Variants in SNTB2 observed in about 807,000 individuals in gnomAD.
The protein encoded by SNTB2 is syntrophin beta 2.
SNTB2 carries 34 observed loss-of-function variants against 46.2 expected under a neutral mutation model. The observed-to-expected ratio is 0.74, with a 90% CI of 0.56 to 0.98. The LOEUF (loss-of-function observed/expected upper bound fraction) is 0.98. SNTB2 is among the 50% of genes least tolerant of loss of function. The pLI, the probability that SNTB2 is intolerant of heterozygous loss-of-function variation, is 0.00. For synonymous variants in SNTB2, 290 were observed against 312.6 expected (o/e 0.93, Z 0.76); for missense variants, 603 against 731.4 (o/e 0.82, Z 2.02).
At chr16:69,253,467 G>T (rs1393376322) in intron 2 of SNTB2, among the ~76,000 whole-genome samples, 3 of 151,568 alleles carry the variant, frequency 2.0e-5, no homozygotes, top group African/African-American at 7.3e-5. Context: ...GGTTAACATG[G>T]TGAAACCCCA....
intron 1 of SNTB2, among the ~76,000 whole-genome samples, chr16:69,216,412 G>T (rs1964347518): frequency 1.3e-5 from 2 of 152,038 alleles, no homozygotes; most frequent in Non-Finnish European, 2.9e-5. Flanking sequence ...GCTGGGCATG[G>T]TGGCTCACGC....
At position 69,300,805 on chromosome 16, in the gene SNTB2, G is replaced by A. The variant is rs756121140; in HGVS notation, c.1531-27G>A. 6.2e-6 allele frequency: 9 copies of A among 1,457,272 alleles called. No individual in the cohort carries two copies. The African/African-American group carries it at 1.1e-4, about 18-fold the overall frequency. 90.3% of individuals were successfully genotyped at this position (1,457,272 alleles called of 1,614,324 possible). A position where few individuals can be genotyped will look rare whatever the true frequency, so the allele number is the denominator to read the frequency against. ...GTTGTCTGTATATGGTAGTGAGGTA[G>A]TGATGCTTAGTGTCCTTTCTCCACA... On this transcript the variant is annotated intron_variant, in intron 6 of 6. Transcript: ENST00000336278.
chr16:69,218,847 G>T (rs1964373656), intron 1 of SNTB2, among the ~76,000 whole-genome samples: 1 of 152,204 alleles, frequency 6.6e-6, no homozygotes, highest in East Asian at 1.9e-4. Flanking sequence ...TTTATCTCAT[G>T]ATTGCAACTC....
chr16:69,211,570 A>G (rs1400182544), intron 1 of SNTB2, among the ~76,000 whole-genome samples: 2 of 151,840 alleles, frequency 1.3e-5, no homozygotes, highest in Non-Finnish European at 2.9e-5. Flanking sequence ...GAAAAGAAAA[A>G]CAGGCGGAAG....
intron 1 of SNTB2, among the ~76,000 whole-genome samples, chr16:69,193,965 T>G (rs1246370656): frequency 1.3e-5 from 2 of 152,258 alleles, no homozygotes; most frequent in African/African-American, 4.8e-5. Context: ...TACATTTAAC[T>G]TCTTAATCTA....
rs1965122632 is a variant in SNTB2, at chr16:69,288,051, C to T, written c.1345+3807C>T. Among the ~76,000 whole-genome samples the T allele has an allele frequency of 2.6e-5, 4 of 151,696 alleles. No individual in the cohort carries two copies. In the South Asian group the frequency reaches 8.4e-4, roughly 32 times the overall value. On this transcript the variant is annotated intron_variant, in intron 5 of 6. Coordinates refer to ENST00000336278, the MANE Select transcript of SNTB2 (RefSeq NM_006750.4). The stretch of plus-strand genomic sequence containing the variant: ...AGTAAATGAGGTTTAAAAAAAAATA[C>T]AGTATTGGAGGTGAGGCACGGTGGC...
chr16:69,279,388 G>T (rs1292622292), intron 4 of SNTB2, among the ~76,000 whole-genome samples: 1 of 151,908 alleles, frequency 6.6e-6, no homozygotes, highest in Non-Finnish European at 1.5e-5. Flanking sequence ...TTTTGTCAGT[G>T]GACATTTAAG....
chr16:69,251,671 G>A (rs35250831), intron 2 of SNTB2, among the ~76,000 whole-genome samples: 21,212 of 151,664 alleles, frequency 0.14, 1,611 homozygotes, highest in Middle Eastern at 0.23. Context: ...CCAGCTACTC[G>A]GGAGGCTGAG....
chr16:69,224,210 ATTT>A (rs34419738), intron 1 of SNTB2, among the ~76,000 whole-genome samples: 1 of 127,776 alleles, frequency 7.8e-6, no homozygotes, highest in Non-Finnish European at 1.6e-5. Context: ...TTCCTTTGCA[ATTT>A]TTTTTTTTTT....
At chr16:69,299,917 A>T in intron 6 of SNTB2, 143 bp downstream of exon 6, 1 of 795,132 alleles carries the variant, frequency 1.3e-6, no homozygotes, top group Non-Finnish European at 1.9e-6. Context: ...TTTTTTAAAG[A>T]TGGGGTCTCT....
intron 6 of SNTB2, among the ~76,000 whole-genome samples, chr16:69,300,427 T>C (rs947514517): frequency 1.3e-5 from 2 of 152,080 alleles, no homozygotes; most frequent in African/African-American, 4.8e-5. Flanking sequence ...ATTTTTCGTA[T>C]TTTTAGTAGA....
intron 1 of SNTB2, among the ~76,000 whole-genome samples, chr16:69,200,715 A>G (rs536046229): frequency 2.0e-5 from 3 of 152,212 alleles, no homozygotes; most frequent in African/African-American, 7.2e-5. Context: ...GGGTCTTGCT[A>G]CAATGTCCAG....
At chr16:69,233,650 A>G (rs893828999) in intron 1 of SNTB2, among the ~76,000 whole-genome samples, 1 of 152,104 alleles carries the variant, frequency 6.6e-6, no homozygotes, top group African/African-American at 2.4e-5. Flanking sequence ...TCTCTGCTGA[A>G]AAAGATGTTC....
intron 2 of SNTB2, among the ~76,000 whole-genome samples, chr16:69,248,955 C>A (rs1964698311): frequency 6.9e-6 from 1 of 145,174 alleles, no homozygotes; most frequent in Non-Finnish European, 1.5e-5. Flanking sequence ...CAAATTGCAA[C>A]TACATTTGTC....
chr16:69,296,261 CAA>C (rs1965222441), intron 5 of SNTB2, among the ~76,000 whole-genome samples: 1 of 151,858 alleles, frequency 6.6e-6, no homozygotes, highest in Non-Finnish European at 1.5e-5. Context: ...GCCTGGGTGA[CAA>C]GAGTGAAACT....
chr16:69,195,378 C>T (rs1360700272), intron 1 of SNTB2, among the ~76,000 whole-genome samples: 1 of 151,880 alleles, frequency 6.6e-6, no homozygotes, highest in African/African-American at 2.4e-5. Context: ...TCAGGTGATC[C>T]TCTTGCCTTA....
At chr16:69,254,204 G>T (rs1011781375) in intron 2 of SNTB2, among the ~76,000 whole-genome samples, 2 of 152,096 alleles carry the variant, frequency 1.3e-5, no homozygotes, top group African/African-American at 4.8e-5. Context: ...TAGAATGAGG[G>T]TGGGGCAGTC....
At chr16:69,287,687 C>G (rs1335084184) in intron 5 of SNTB2, among the ~76,000 whole-genome samples, 1 of 152,000 alleles carries the variant, frequency 6.6e-6, no homozygotes, top group Admixed American at 6.6e-5. Flanking sequence ...AGTGAAACCC[C>G]GTCTTTACTA....
At chr16:69,290,363 A>G (rs1227486196) in intron 5 of SNTB2, among the ~76,000 whole-genome samples, 1 of 152,220 alleles carries the variant, frequency 6.6e-6, no homozygotes, top group African/African-American at 2.4e-5. Flanking sequence ...TTTAAGTCAT[A>G]CGAGAACTTT....
Sources: allele counts gnomAD v4.1 joint callset (sites outside exome capture counted in the v4.1 genomes callset), GRCh38; gene constraint gnomAD v4.1.1; transcripts MANE v1.5; gene names NCBI Gene and HGNC (gene_info 2026-07-23, HGNC 2026-07-21).